Variants in ABCG2 observed in about 807,000 individuals in gnomAD.
ABCG2 encodes broad substrate specificity ATP-binding cassette transporter ABCG2.
A neutral mutation model predicts 73.5 loss-of-function variants in ABCG2; 80 were observed. The observed-to-expected ratio is 1.09, with a 90% confidence interval of 0.91 to 1.31. The LOEUF (loss-of-function observed/expected upper bound fraction) is 1.31. ABCG2 is among the 50% of genes most tolerant of loss of function. The pLI is 0.00. For missense variants in ABCG2, 796 were observed against 786.2 expected (o/e 1.01, Z -0.15); for synonymous variants, 269 against 282.4 (o/e 0.95, Z 0.48).
At chr4:88,153,832 CG>C (rs919594836) in intron 1 of ABCG2, among the ~76,000 whole-genome samples, 2 of 152,050 alleles carry the variant, frequency 1.3e-5, no homozygotes, top group African/African-American at 4.8e-5. Flanking sequence ...AGCAAAACCC[CG>C]AGCTTGATGT....
rs148339872 is a variant in ABCG2, at chr4:88,103,272, A to G, written c.1278-1953T>C. On this transcript the variant is annotated intron_variant, in intron 10 of 15. Coordinates refer to ENST00000237612, the MANE Select transcript of ABCG2 (RefSeq NM_004827.3). ...AATCTATCAGTACAGTAATGTCCAT[A>G]ATGATTCTGAAAAAGTAGACAATGG... Among the ~76,000 whole-genome samples, 383 of 152,358 alleles carry G rather than the reference A, an allele frequency of 2.5e-3. 4 individuals are homozygous for G. The highest frequency in any genetic ancestry group is 9.0e-3 in the African/African-American group (373 of 41,586).
Position 88,152,079 on chromosome 4 carries a change from G to A in ABCG2, c.-20+6307C>T, listed in dbSNP as rs566099590. ...AACAGATACCAAAATTATAATATTA[G>A]GATGTAGTTTAAGCTACTCAGCTAA... is the stretch of plus-strand genomic sequence containing the variant. On this transcript the variant is annotated intron_variant, in intron 1 of 15. Coordinates refer to ENST00000237612, the MANE Select transcript of ABCG2 (RefSeq NM_004827.3). Among the ~76,000 whole-genome samples the A allele has an allele frequency of 3.9e-4, 59 of 152,122 alleles. 2 individuals carry two copies. In the South Asian group the frequency reaches 0.012, roughly 31 times the overall value.
intron 1 of ABCG2, among the ~76,000 whole-genome samples, chr4:88,146,421 T>C (rs987569617): frequency 6.6e-6 from 1 of 150,784 alleles, no homozygotes; most frequent in Non-Finnish European, 1.5e-5. Context: ...CAAGACAGAG[T>C]CTCACTCTGT....
rs977268529 is a variant in ABCG2, at chr4:88,158,542, A to G, written c.-176T>C. 1 of 456,368 alleles carries G rather than the reference A, an allele frequency of 2.2e-6. No individual in the cohort carries two copies. Among genetic ancestry groups the G allele is most frequent in the Non-Finnish European group, 4.4e-6 (1 of 226,936 alleles). 28.3% of individuals were successfully genotyped at this position (456,368 alleles called of 1,614,324 possible). On this transcript the variant is annotated 5_prime_UTR_variant, in exon 1 of 16. Coordinates refer to ENST00000237612, the MANE Select transcript of ABCG2 (RefSeq NM_004827.3). ...GCAGCAGTTTCCACTTAACAAGACC[A>G]CCAAGCATGTGCACGGTGCGTTCCT...
In ABCG2 at chr4:88,203,880, T is replaced by A. The variant is rs1325404846; in HGVS notation, c.-20+27114A>T. On this transcript the variant is annotated intron_variant, in intron 1 of 15. Coordinates refer to the ABCG2 transcript ENST00000515655. The stretch of plus-strand genomic sequence containing the variant: ...TAAAATTATTCCAGTGGCACAATAT[T>A]TTTTTTTTACAGATTACCCTGAAAT... Among the ~76,000 whole-genome samples, 3 of 53,300 alleles carry A rather than the reference T, an allele frequency of 5.6e-5. No homozygotes were observed. The East Asian group carries it at 5.5e-3, about 98-fold the overall frequency. The allele number at this position is 53,300 out of a possible 152,430, so 35.0% of individuals were successfully genotyped here.
intron 5 of ABCG2, among the ~76,000 whole-genome samples, chr4:88,129,935 A>G (rs1197550081): frequency 1.3e-5 from 2 of 152,210 alleles, no homozygotes; most frequent in Non-Finnish European, 2.9e-5. Flanking sequence ...TTGTATCTCT[A>G]GAACCTAAAA....
chr4:88,092,200 T>C lies in ABCG2; in HGVS notation c.*34A>G, dbSNP rs1314067220. The C allele has an allele frequency of 1.9e-6, 3 of 1,555,488 alleles. No individual in the cohort carries two copies. The highest frequency in any genetic ancestry group is 2.3e-5 in the East Asian group (1 of 43,884). On this transcript the variant is annotated 3_prime_UTR_variant, in exon 16 of 16. Coordinates refer to ENST00000237612, the MANE Select transcript of ABCG2 (RefSeq NM_004827.3). ...CTTCAATCAAAGTGCTTCTTTTTTA[T>C]GTGAGGATAAATCATACTGAATTAA...
At chr4:88,126,897 A>G (rs910977686) in intron 5 of ABCG2, among the ~76,000 whole-genome samples, 2 of 152,226 alleles carry the variant, frequency 1.3e-5, no homozygotes, top group Non-Finnish European at 2.9e-5. Context: ...CACCACTCCT[A>G]TTCAACATAA....
rs1475135821 is a variant in ABCG2, at chr4:88,131,064, G to T, written c.528C>A (p.Ser176=). Residue 176 remains serine, a synonymous_variant, in exon 5 of 16, where the codon TCC becomes TCA. Coordinates refer to ENST00000237612, the MANE Select transcript of ABCG2 (RefSeq NM_004827.3). ...QELGLDKVAD[S]KVGTQFIRGV... ...GCTTTCAGTTTTTCCACATTACCTT[G>T]GAGTCTGCCACTTTATCCAGACCTA... 6.2e-6 allele frequency: 10 copies of T among 1,613,868 alleles called. No homozygotes were observed. Among genetic ancestry groups the T allele is most frequent in the African/African-American group, 1.3e-5 (1 of 74,966 alleles).
intron 11 of ABCG2, 114 bp from the exon 12 acceptor site, chr4:88,099,562 T>C: frequency 9.1e-7 from 1 of 1,098,284 alleles, no homozygotes; most frequent in Non-Finnish European, 1.3e-6. Flanking sequence ...CAAGCCAGCT[T>C]CCCACATCCT....
intron 15 of ABCG2, 89 bp from the exon 16 acceptor site, chr4:88,092,470 A>G (rs1721701912): frequency 7.3e-7 from 1 of 1,362,738 alleles, no homozygotes; most frequent in Admixed American, 2.4e-5. Flanking sequence ...AAGGAGCCTA[A>G]AATTGAACCA....
intron 1 of ABCG2, among the ~76,000 whole-genome samples, chr4:88,208,174 G>C (rs894285232): frequency 6.6e-6 from 1 of 151,982 alleles, no homozygotes; most frequent in Non-Finnish European, 1.5e-5. Flanking sequence ...AGTGTCATTG[G>C]GATTGCCCTA....
intron 1 of ABCG2, among the ~76,000 whole-genome samples, chr4:88,204,204 G>A (rs573020069): frequency 6.4e-4 from 98 of 151,996 alleles, no homozygotes; most frequent in Middle Eastern, 3.4e-3. Context: ...GGCAGATCAC[G>A]GGGTCAAAAG....
At chr4:88,230,614 T>C (rs886415091) in intron 1 of ABCG2, among the ~76,000 whole-genome samples, 1 of 151,980 alleles carries the variant, frequency 6.6e-6, no homozygotes, top group African/African-American at 2.4e-5. Context: ...GCCATCAAAG[T>C]AGGTACAGCC....
At chr4:88,231,505 T>G (rs1349438188), upstream of ABCG2, among the ~76,000 whole-genome samples, 3 of 152,194 alleles carry the variant, frequency 2.0e-5, no homozygotes, top group Non-Finnish European at 4.4e-5. Context: ...CGCGGAATTC[T>G]GATGACAGCA....
chr4:88,222,680 A>C (rs1035339790), intron 1 of ABCG2, among the ~76,000 whole-genome samples: 12 of 152,196 alleles, frequency 7.9e-5, no homozygotes, highest in Non-Finnish European at 1.5e-5. Context: ...TACAGGCAGC[A>C]TGGAAGGGAA....
intron 1 of ABCG2, among the ~76,000 whole-genome samples, chr4:88,157,466 G>T (rs1267690207): frequency 6.6e-6 from 1 of 152,122 alleles, no homozygotes; most frequent in African/African-American, 2.4e-5. Flanking sequence ...GCATGCCCAT[G>T]TTATTAGTTT....
Position 88,132,588 on chromosome 4 carries a change from C to T in ABCG2, c.251G>A (p.Gly84Glu). 6.2e-7 allele frequency: 1 copy of T among 1,614,182 alleles called. No individual in the cohort carries two copies. The highest frequency in any genetic ancestry group is 8.5e-7 in the Non-Finnish European group (1 of 1,180,026). The change falls in exon 3 of 16, where the codon GGA (glycine) becomes GAA (glutamate). Residue 84 changes from glycine (G) to glutamate (E), a missense_variant. Gly to Glu is a moderately conservative substitution (Grantham distance 98). Coordinates refer to ENST00000237612, the MANE Select transcript of ABCG2 (RefSeq NM_004827.3). ...CTCTTATACTCACGAAGATTTGCCT[C>T]CACCTGTGGGTCCCAGGATGGCGTT... is the stretch of plus-strand genomic sequence containing the variant. ...GLNAILGPTGGGKSSLLDVLA... is the reference protein window; with the variant it reads ...GLNAILGPTGEGKSSLLDVLA...
At chr4:88,214,992 T>G (rs1228386097) in intron 1 of ABCG2, among the ~76,000 whole-genome samples, 1 of 151,926 alleles carries the variant, frequency 6.6e-6, no homozygotes, top group Non-Finnish European at 1.5e-5. Flanking sequence ...TATGGGAGGC[T>G]GAGGCAGGAG....
Sources: gnomAD v4.1 joint callset for allele counts (sites outside exome capture counted in the v4.1 genomes callset) on GRCh38, gnomAD v4.1.1 for gene constraint, MANE v1.5 for transcripts, NCBI Gene and HGNC (gene_info 2026-07-23, HGNC 2026-07-21) for gene names.